GLIS2: variants seen among roughly 807,000 people sequenced by gnomAD.
GLIS2 encodes the protein GLIS family zinc finger 2, also known as zinc finger protein GLIS2.
In GLIS2, 14 loss-of-function variants were observed where a neutral mutation model predicts 35.6. That is an observed-to-expected ratio of 0.39 (90% CI 0.26 to 0.61). The LOEUF (loss-of-function observed/expected upper bound fraction) is 0.61, where lower values mean the gene tolerates loss of function less well. Among genes scored for constraint, GLIS2 ranks in the 20% least tolerant of loss-of-function variants. The pLI is 0.48. For synonymous variants in GLIS2, 368 were observed against 325.1 expected (o/e 1.13, Z -1.42); for missense variants, 675 against 713.4 (o/e 0.95, Z 0.61).
At chr16:4,322,771 C>A (rs927157242) in intron 1 of GLIS2, among the ~76,000 whole-genome samples, 2 of 152,196 alleles carry the variant, frequency 1.3e-5, no homozygotes, top group East Asian at 3.9e-4. Flanking sequence ...GCCCGCCTTA[C>A]CCACTCCTGC....
rs749075119 is a variant in GLIS2 at position 4,335,339 on chromosome 16, A to G, written c.721A>G (p.Ser241Gly). The part of the protein sequence containing the change: ...NEKPHRCPTC[S>G]KSFSRLENLK... ...GAAGCCACACCGCTGTCCGACCTGC[A>G]GCAAGAGCTTCTCCCGCCTGGAGAA... The change falls in exon 6 of 7, where the codon AGC becomes GGC. Residue 241 changes from serine (S) to glycine (G), a missense_variant. This residue lies in a region of GLIS2 where 133 missense variants were observed against 191.4 expected (regional missense o/e 0.69). Transcript: ENST00000433375. This position sits in a 1 kb window ranked among gnomAD's most constrained non-coding sequence, Gnocchi z 4.6. The G allele has an allele frequency of 1.2e-6, 2 of 1,613,840 alleles. No homozygotes were observed. Among genetic ancestry groups the G allele is most frequent in the Admixed American group, 1.7e-5 (1 of 60,024 alleles).
rs1405380527 is a variant in GLIS2 at position 4,316,178 on chromosome 16, C to T, written c.-143C>T. Among the ~76,000 whole-genome samples the T allele has an allele frequency of 6.9e-6, 1 of 145,556 alleles. No individual in the cohort carries two copies. Among genetic ancestry groups the T allele is most frequent in the African/African-American group, 2.5e-5 (1 of 40,306 alleles). Reference sequence around the variant, plus strand: ...CGCCCCGGCCCCCGCCCGTCCCGGCCCCTCCCCCGCTCGGCTCCCCGCGCC... The same window carrying T: ...CGCCCCGGCCCCCGCCCGTCCCGGCTCCTCCCCCGCTCGGCTCCCCGCGCC... On this transcript the variant is annotated 5_prime_UTR_variant, in exon 1 of 7. Coordinates refer to ENST00000433375, the MANE Select transcript of GLIS2 (RefSeq NM_032575.3).
rs2053555231 is a variant in GLIS2 at position 4,336,709 on chromosome 16, C to T, written c.776-16C>T. 6.3e-7 allele frequency: 1 copy of T among 1,583,474 alleles called. No homozygotes were observed. The highest frequency in any genetic ancestry group is 8.6e-7 in the Non-Finnish European group (1 of 1,165,360). ...AGAGACCCCTCATGGCGGCACTGCA[C>T]TGCACCACCCTGCAGGTGAGAAGCC... On this transcript the variant is annotated splice_polypyrimidine_tract_variant and intron_variant, in intron 6 of 6. Transcript: ENST00000433375.
rs2053506481 is a variant in GLIS2, at chr16:4,332,379, C to G, written c.99C>G (p.Pro33=). The change falls in exon 2 of 7, where the codon CCC becomes CCG. Residue 33 remains proline, a synonymous_variant. Transcript: ENST00000433375. The surrounding 1 kb of genome is among the most constrained non-coding windows in gnomAD (Gnocchi z 5.4). ...KRERTLGVVR[P]RALHRELGLV... is the part of the protein sequence containing the mutation. ...AGAGGACGCTGGGTGTGGTCCGGCC[C>G]CGTGCTCTGCACAGGGAGCTGGGCC... 13 of 1,612,998 alleles carry G rather than the reference C, an allele frequency of 8.1e-6. No individual in the cohort carries two copies. The highest frequency in any genetic ancestry group is 2.2e-5 in the East Asian group (1 of 44,890).
intron 1 of GLIS2, among the ~76,000 whole-genome samples, chr16:4,321,575 T>G (rs967941223): frequency 6.6e-6 from 1 of 152,010 alleles, no homozygotes; most frequent in Non-Finnish European, 1.5e-5. Context: ...GCAGGCCCCC[T>G]CCTGTGGATG....
rs570823058 is a variant in GLIS2, at chr16:4,322,162, G to A, written c.-67+5908G>A. Among the ~76,000 whole-genome samples, 24 of 151,762 alleles carry A rather than the reference G, an allele frequency of 1.6e-4. No individual in the cohort carries two copies. The South Asian group carries it at 5.0e-3, about 32-fold the overall frequency. On this transcript the variant is annotated intron_variant, in intron 1 of 6. Coordinates refer to ENST00000433375, the MANE Select transcript of GLIS2 (RefSeq NM_032575.3). The stretch of plus-strand genomic sequence containing the variant: ...TTCCCAGGGGGCAGGGGATCCTGAG[G>A]AAGGGGGGTGCCAAAGGAGAGGGCC...
At chr16:4,327,118 TC>T (rs2053439796) in intron 1 of GLIS2, among the ~76,000 whole-genome samples, 1 of 152,052 alleles carries the variant, frequency 6.6e-6, no homozygotes, top group African/African-American at 2.4e-5. Context: ...GGTGTAGAAC[TC>T]CTGCACTCAA....
intron 1 of GLIS2, among the ~76,000 whole-genome samples, chr16:4,327,869 C>T (rs952813995): frequency 6.6e-6 from 1 of 152,234 alleles, no homozygotes; most frequent in East Asian, 1.9e-4. Flanking sequence ...GCGGCCGGTT[C>T]CGCGGCCACC....
At position 4,337,740 on chromosome 16, in the gene GLIS2, G is replaced by A. The variant is rs989921838; in HGVS notation, c.*216G>A. On this transcript the variant is annotated 3_prime_UTR_variant, in exon 7 of 7. Coordinates refer to ENST00000433375, the MANE Select transcript of GLIS2 (RefSeq NM_032575.3). ...TCATGCAGGGAGAGCTGTGCTCCTG[G>A]GTGCTGAAGCCTCGCTCCTGTCTGT... is the stretch of plus-strand genomic sequence containing the variant. The A allele has an allele frequency of 2.1e-5, 14 of 671,224 alleles. No homozygotes were observed. The highest frequency in any genetic ancestry group is 1.8e-4 in the South Asian group (10 of 56,050). The allele number at this position is 671,224 out of a possible 1,614,324, so 41.6% of individuals were successfully genotyped here.
chr16:4,329,424 C>T (rs1454891000), intron 1 of GLIS2, among the ~76,000 whole-genome samples: 3 of 152,240 alleles, frequency 2.0e-5, no homozygotes, highest in Non-Finnish European at 4.4e-5. Flanking sequence ...CTAGGTCCCA[C>T]GGCCTAGTGC....
At position 4,336,840 on chromosome 16, in the gene GLIS2, G is replaced by A. The variant is rs1164580864; in HGVS notation, c.891G>A (p.Met297Ile). The change falls in exon 7 of 7, where the codon ATG becomes ATA. Residue 297 changes from methionine to isoleucine, a missense_variant. By Grantham distance (10) the Met-to-Ile change is conservative. This residue lies in a region of GLIS2 where 133 missense variants were observed against 191.4 expected (regional missense o/e 0.69). Transcript: ENST00000433375. Reference protein sequence around the residue: ...HYVDKPYYCKMPGCHKRYTDP... With the variant: ...HYVDKPYYCKIPGCHKRYTDP... ...TGGACAAGCCCTACTACTGCAAGAT[G>A]CCCGGCTGCCACAAGCGCTACACGG... The A allele has an allele frequency of 6.2e-7, 1 of 1,612,532 alleles. No homozygotes were observed. The highest frequency in any genetic ancestry group is 8.5e-7 in the Non-Finnish European group (1 of 1,179,558).
intron 1 of GLIS2, among the ~76,000 whole-genome samples, chr16:4,317,295 G>C (rs993197047): frequency 6.6e-6 from 1 of 152,176 alleles, no homozygotes; most frequent in Admixed American, 6.5e-5. Context: ...CTGGGGACCT[G>C]GCCAAGGCCT....
intron 1 of GLIS2, among the ~76,000 whole-genome samples, chr16:4,331,296 CACAA>C (rs1434153316): frequency 1.3e-5 from 2 of 152,148 alleles, no homozygotes; most frequent in Admixed American, 6.5e-5. Flanking sequence ...GTTCTTGAAC[CACAA>C]ACAATGGCAT....
intron 1 of GLIS2, among the ~76,000 whole-genome samples, chr16:4,325,924 T>C (rs541983120): frequency 4.8e-5 from 5 of 103,976 alleles, no homozygotes; most frequent in East Asian, 2.4e-4. Flanking sequence ...CAAGACTCTG[T>C]GTCTTAAAAA....
Position 4,337,750 on chromosome 16 carries a change from C to T in GLIS2, c.*226C>T. On this transcript the variant is annotated 3_prime_UTR_variant, in exon 7 of 7. Transcript: ENST00000433375. ...AGAGCTGTGCTCCTGGGTGCTGAAG[C>T]CTCGCTCCTGTCTGTCCCCCACCAC... 1 of 643,320 alleles carries T rather than the reference C, an allele frequency of 1.6e-6. No homozygotes were observed. The highest frequency in any genetic ancestry group is 2.8e-6 in the Non-Finnish European group (1 of 363,112). 39.9% of individuals were successfully genotyped at this position (643,320 alleles called of 1,614,324 possible).
At position 4,324,294 on chromosome 16, in the gene GLIS2, CCAGGCCT is replaced by C. The variant is rs199687924; in HGVS notation, c.-66-7916_-66-7910del. Among the ~76,000 whole-genome samples, 1,173 of 152,302 alleles carry C rather than the reference CCAGGCCT, an allele frequency of 7.7e-3. 9 individuals are homozygous for C. Among genetic ancestry groups the C allele is most frequent in the African/African-American group, 0.027 (1,106 of 41,564 alleles). Reference sequence around the variant, plus strand: ...GGCCCCTCTCCTGGGATCTGCTGGGCCAGGCCTCAGGATAAGCTCCTCCCCCTCCAGT... The same window carrying C: ...GGCCCCTCTCCTGGGATCTGCTGGGCCAGGATAAGCTCCTCCCCCTCCAGT... On this transcript the variant is annotated intron_variant, in intron 1 of 6. Transcript: ENST00000433375.
At chr16:4,330,675 G>A (rs1423343240) in intron 1 of GLIS2, among the ~76,000 whole-genome samples, 1 of 152,246 alleles carries the variant, frequency 6.6e-6, no homozygotes, top group Non-Finnish European at 1.5e-5. Context: ...AGATCTTTGG[G>A]GTCAAACAGG....
At chr16:4,316,488 C>G (rs908134274) in intron 1 of GLIS2, among the ~76,000 whole-genome samples, 1 of 151,922 alleles carries the variant, frequency 6.6e-6, no homozygotes, top group Admixed American at 6.5e-5. Flanking sequence ...TCTTTCTTCT[C>G]CCTCCTTCCT....
At chr16:4,325,955 A>G (rs1222556576) in intron 1 of GLIS2, among the ~76,000 whole-genome samples, 2 of 147,812 alleles carry the variant, frequency 1.4e-5, no homozygotes, top group East Asian at 4.0e-4. Flanking sequence ...AAAAAAAAAA[A>G]AGGCCAGACT....
Sources: allele counts gnomAD v4.1 joint callset (sites outside exome capture counted in the v4.1 genomes callset), GRCh38; gene constraint gnomAD v4.1.1; regional missense constraint gnomAD v4.1.1; non-coding constraint Gnocchi (gnomAD v3.1); transcripts MANE v1.5; gene names NCBI Gene and HGNC (gene_info 2026-07-23, HGNC 2026-07-21).